Variants in CALM3 observed in about 807,000 individuals in gnomAD.
CALM3 encodes calmodulin-3.
A neutral mutation model predicts 20.1 loss-of-function variants in CALM3; 5 were observed. The ratio of observed to expected loss-of-function variants is 0.25; its 90% CI spans 0.13 to 0.52. The LOEUF is 0.52. Ranked by LOEUF, CALM3 falls within the 20% of genes least tolerant of loss-of-function variation. The probability of loss-of-function intolerance (pLI) is 0.96; values close to 1 mark genes in which losing one functional copy is unlikely to be tolerated. For synonymous variants in CALM3, 69 were observed against 68.1 expected (o/e 1.01, Z -0.06); for missense variants, 57 against 192.8 (o/e 0.30, Z 4.17).
In CALM3 at chr19:46,608,034, A is replaced by C; in HGVS notation, c.35-163A>C. The C allele has an allele frequency of 1.5e-6, 1 of 647,450 alleles. No homozygotes were observed. Among genetic ancestry groups the C allele is most frequent in the South Asian group, 1.8e-5 (1 of 54,222 alleles). 40.1% of individuals were successfully genotyped at this position (647,450 alleles called of 1,614,324 possible). A position where few individuals can be genotyped will look rare whatever the true frequency, so the allele number is the denominator to read the frequency against. ...AGGTTGGAAGGGCTTTGCCCTGAGC[A>C]CTGAGGAGAGAGAGCTGGTTGCGTG... On this transcript the variant is annotated intron_variant, in intron 2 of 5. Transcript: ENST00000291295. This position sits in a 1 kb window ranked among gnomAD's most constrained non-coding sequence, Gnocchi z 5.5.
At position 46,610,680 on chromosome 19, in the gene CALM3, G is replaced by A. The variant is rs746513170; in HGVS notation, c.*1527G>A. ...GTGAGGCTGTGGACATTTTCGGAAT[G>A]TTTTGGTTTTGTTTTTTTTAAACCG... On this transcript the variant is annotated 3_prime_UTR_variant, in exon 6 of 6. Coordinates refer to ENST00000291295, the MANE Select transcript of CALM3 (RefSeq NM_005184.4). 6.6e-6 allele frequency: 1 copy of A among 152,636 alleles called. No homozygotes were observed. The highest frequency in any genetic ancestry group is 1.5e-5 in the Non-Finnish European group (1 of 68,070). The allele number at this position is 152,636 out of a possible 1,614,324, so 9.5% of individuals were successfully genotyped here.
rs73558584 is a variant in CALM3 at position 46,608,802 on chromosome 19, A to G, written c.286-44A>G. The stretch of plus-strand genomic sequence containing the variant: ...CACCCCTCTCACTGCCTCTCTCCCC[A>G]CCGGGAGAAGTGCCCAGTGAAAGGC... On this transcript the variant is annotated intron_variant, in intron 4 of 5. Transcript: ENST00000291295. This position sits in a 1 kb window ranked among gnomAD's most constrained non-coding sequence, Gnocchi z 5.5. The G allele has an allele frequency of 1.6e-3, 2,476 of 1,527,472 alleles. 36 individuals are homozygous for G. In the African/African-American group the frequency reaches 0.028, roughly 18 times the overall value. 94.6% of individuals were successfully genotyped at this position (1,527,472 alleles called of 1,614,324 possible).
Position 46,601,437 on chromosome 19 carries a change from GGTGA to G in CALM3, c.3+6_3+9del, listed in dbSNP as rs1288493446. The G allele has an allele frequency of 1.3e-6, 2 of 1,501,964 alleles. No individual in the cohort carries two copies. The highest frequency in any genetic ancestry group is 2.8e-5 in the East Asian group (1 of 35,590). 93.0% of individuals were successfully genotyped at this position (1,501,964 alleles called of 1,614,324 possible). On this transcript the variant is annotated splice_donor_variant and splice_donor_region_variant and intron_variant, in intron 1 of 5. Transcript: ENST00000291295. LOFTEE classifies it high-confidence loss of function. The surrounding 1 kb of genome is among the most constrained non-coding windows in gnomAD (Gnocchi z 4.2). ...CTCCGGACACCCCGGGCCTCGCCATGGTGAGTGAGGCTGGGGGGTCGCCGAGGCT... is the reference window on the plus strand; with the variant it reads ...CTCCGGACACCCCGGGCCTCGCCATGGTGAGGCTGGGGGGTCGCCGAGGCT...
At position 46,608,842 on chromosome 19, in the gene CALM3, C is replaced by G. The variant is rs1471091658; in HGVS notation, c.286-4C>G. Reference sequence around the variant, plus strand: ...CAGTGAAAGGCTTTATCCCCAACCCCCAGGATGGGAATGGCTACATCAGCG... The same window carrying G: ...CAGTGAAAGGCTTTATCCCCAACCCGCAGGATGGGAATGGCTACATCAGCG... On this transcript the variant is annotated splice_polypyrimidine_tract_variant and splice_region_variant and intron_variant, in intron 4 of 5. Transcript: ENST00000291295. This position sits in a 1 kb window ranked among gnomAD's most constrained non-coding sequence, Gnocchi z 5.5. The G allele has an allele frequency of 2.6e-6, 4 of 1,545,886 alleles. No individual in the cohort carries two copies. The highest frequency in any genetic ancestry group is 2.0e-4 in the Middle Eastern group (1 of 4,944).
chr19:46,605,440 C>T lies in CALM3; in HGVS notation c.4-387C>T, dbSNP rs1363278437. ...GGCAATCGTTCCCTTCACTCGGCCT[C>T]TGGGGCTCTCACTGATGAGATGCAA... On this transcript the variant is annotated intron_variant, in intron 1 of 5. Transcript: ENST00000291295. The surrounding 1 kb of genome is among the most constrained non-coding windows in gnomAD (Gnocchi z 4.1). 4.5e-6 allele frequency: 1 copy of T among 220,202 alleles called. No individual in the cohort carries two copies. Among genetic ancestry groups the T allele is most frequent in the Non-Finnish European group, 9.1e-6 (1 of 110,160 alleles). 13.6% of individuals were successfully genotyped at this position (220,202 alleles called of 1,614,324 possible). A position where few individuals can be genotyped will look rare whatever the true frequency, so the allele number is the denominator to read the frequency against.
intron 2 of CALM3, among the ~76,000 whole-genome samples, chr19:46,606,924 A>G (rs1971754872): frequency 1.3e-5 from 2 of 151,912 alleles, no homozygotes; most frequent in Non-Finnish European, 1.5e-5. Flanking sequence ...GTCAGGTTCA[A>G]CCGGCTGTGT....
At chr19:46,603,947 T>C (rs531364479) in intron 1 of CALM3, among the ~76,000 whole-genome samples, 1 of 152,286 alleles carries the variant, frequency 6.6e-6, no homozygotes, top group East Asian at 1.9e-4. Flanking sequence ...TGTCACAGCC[T>C]CCTCGCCCCC....
upstream of CALM3, chr19:46,601,172 C>T (rs1407655102): frequency 3.9e-6 from 2 of 519,370 alleles, no homozygotes; most frequent in Non-Finnish European, 6.5e-6. This position sits in a 1 kb window ranked among gnomAD's most constrained non-coding sequence, Gnocchi z 4.2. Context: ...TTCGCGGGCC[C>T]GTAGGTGTGG....
chr19:46,604,145 C>T (rs1568663542), intron 1 of CALM3, among the ~76,000 whole-genome samples: 1 of 152,148 alleles, frequency 6.6e-6, no homozygotes, highest in East Asian at 1.9e-4. Flanking sequence ...CTTTCCCTGA[C>T]CCTCCCTGGG....
In CALM3 at chr19:46,609,234, G is replaced by A. The variant is rs1406392233; in HGVS notation, c.*81G>A. 7.8e-7 allele frequency: 1 copy of A among 1,286,784 alleles called. No homozygotes were observed. Among genetic ancestry groups the A allele is most frequent in the East Asian group, 2.5e-5 (1 of 40,764 alleles). 79.7% of individuals were successfully genotyped at this position (1,286,784 alleles called of 1,614,324 possible). On this transcript the variant is annotated 3_prime_UTR_variant, in exon 6 of 6. Coordinates refer to ENST00000291295, the MANE Select transcript of CALM3 (RefSeq NM_005184.4). The stretch of plus-strand genomic sequence containing the variant: ...CGCACTCTCTCTTCAACACTCCCCT[G>A]CGTACCCCGGTTCTAGCAAACACCA...
chr19:46,603,912 GAGCC>G, intron 1 of CALM3, among the ~76,000 whole-genome samples: 1 of 152,154 alleles, frequency 6.6e-6, no homozygotes, highest in South Asian at 2.1e-4. Context: ...GTGGCCTTCA[GAGCC>G]GCTCGGGGCA....
rs1391966989 is a variant in CALM3 at position 46,609,580 on chromosome 19, TC to T, written c.*432del. 1 of 192,188 alleles carries T rather than the reference TC, an allele frequency of 5.2e-6. No homozygotes were observed. 11.9% of individuals were successfully genotyped at this position (192,188 alleles called of 1,614,324 possible). On this transcript the variant is annotated 3_prime_UTR_variant, in exon 6 of 6. Coordinates refer to ENST00000291295, the MANE Select transcript of CALM3 (RefSeq NM_005184.4). Reference sequence around the variant, plus strand: ...ACCTGCTGGGAGGGACAAGAGGCCCTCCCCCAGGCAGAAGAGCATGCCCTTT... The same window carrying T: ...ACCTGCTGGGAGGGACAAGAGGCCCTCCCCAGGCAGAAGAGCATGCCCTTT...
rs1427903460 is a variant in CALM3, at chr19:46,608,735, C to T, written c.286-111C>T. 2 of 1,347,124 alleles carry T rather than the reference C, an allele frequency of 1.5e-6. No individual in the cohort carries two copies. Among genetic ancestry groups the T allele is most frequent in the Middle Eastern group, 2.6e-4 (1 of 3,850 alleles). The allele number at this position is 1,347,124 out of a possible 1,614,324, so 83.4% of individuals were successfully genotyped here. A position where few individuals can be genotyped will look rare whatever the true frequency, so the allele number is the denominator to read the frequency against. On this transcript the variant is annotated intron_variant, in intron 4 of 5. Transcript: ENST00000291295. This position sits in a 1 kb window ranked among gnomAD's most constrained non-coding sequence, Gnocchi z 5.5. ...CAACCTGCTCTGCCACCTCAGGCAGCCTCCCTCACTGTGCTCACTGCTGAG... is the reference window on the plus strand; with the variant it reads ...CAACCTGCTCTGCCACCTCAGGCAGTCTCCCTCACTGTGCTCACTGCTGAG...
At chr19:46,602,548 G>A (rs755521927) in intron 1 of CALM3, 8 of 237,806 alleles carry the variant, frequency 3.4e-5, no homozygotes, top group Non-Finnish European at 6.8e-5. Context: ...TGGATGGGGA[G>A]TGGGCTGCAG....
chr19:46,602,307 C>A, intron 1 of CALM3: 3 of 894,948 alleles, frequency 3.4e-6, no homozygotes, highest in Non-Finnish European at 4.7e-6. Context: ...TGGGTTAAGA[C>A]TGTTGCTCTA....
Position 46,601,697 on chromosome 19 carries a change from A to G in CALM3, c.3+260A>G, listed in dbSNP as rs1433514020. Among the ~76,000 whole-genome samples the G allele has an allele frequency of 6.6e-6, 1 of 152,204 alleles. No individual in the cohort carries two copies. Among genetic ancestry groups the G allele is most frequent in the Non-Finnish European group, 1.5e-5 (1 of 68,030 alleles). On this transcript the variant is annotated intron_variant, in intron 1 of 5. Coordinates refer to ENST00000291295, the MANE Select transcript of CALM3 (RefSeq NM_005184.4). The surrounding 1 kb of genome is among the most constrained non-coding windows in gnomAD (Gnocchi z 4.2). ...GGGTATCTGAGCCCCTAAAGGGGAC[A>G]TTTGAACCCCGGATGGAGGATCGGG...
intron 1 of CALM3, among the ~76,000 whole-genome samples, chr19:46,603,268 C>G (rs983846244): frequency 6.6e-6 from 1 of 152,238 alleles, no homozygotes; most frequent in Non-Finnish European, 1.5e-5. Context: ...TAAAAGGGGC[C>G]CTGAAGCACT....
rs78240569 is a variant in CALM3, at chr19:46,609,059, T to C, written c.422-66T>C. 9 of 1,612,998 alleles carry C rather than the reference T, an allele frequency of 5.6e-6. No homozygotes were observed. The South Asian group carries it at 6.6e-5, about 12-fold the overall frequency. ...GGAACAAGCCCCCAGATCCCTCTTGTTGGGGAGGGCCGCTCGCCACTTAGC... is the reference window on the plus strand; with the variant it reads ...GGAACAAGCCCCCAGATCCCTCTTGCTGGGGAGGGCCGCTCGCCACTTAGC... On this transcript the variant is annotated intron_variant, in intron 5 of 5. Transcript: ENST00000291295.
chr19:46,605,740 A>C lies in CALM3; in HGVS notation c.4-87A>C, dbSNP rs1037588711. 1 of 1,371,974 alleles carries C rather than the reference A, an allele frequency of 7.3e-7. No homozygotes were observed. Among genetic ancestry groups the C allele is most frequent in the Non-Finnish European group, 1.0e-6 (1 of 962,360 alleles). 85.0% of individuals were successfully genotyped at this position (1,371,974 alleles called of 1,614,324 possible). The stretch of plus-strand genomic sequence containing the variant: ...GGGAATGGCACGTGGAGCTGGCCTC[A>C]CTGGGGCCGAGGGTCTGGGCTGAGT... On this transcript the variant is annotated intron_variant, in intron 1 of 5. Coordinates refer to ENST00000291295, the MANE Select transcript of CALM3 (RefSeq NM_005184.4). This position sits in a 1 kb window ranked among gnomAD's most constrained non-coding sequence, Gnocchi z 4.1.
Sources: gnomAD v4.1 joint callset for allele counts (sites outside exome capture counted in the v4.1 genomes callset) on GRCh38, gnomAD v4.1.1 for gene constraint, Gnocchi (gnomAD v3.1) non-coding constraint, MANE v1.5 for transcripts, NCBI Gene and HGNC (gene_info 2026-07-23, HGNC 2026-07-21) for gene names.